The following NR6A1 variants were observed in gnomAD, a reference collection of about 807,000 sequenced individuals.
NR6A1 encodes nuclear receptor subfamily 6 group A member 1, also known as retinoic acid receptor-related testis-associated receptor.
A neutral mutation model predicts 59.1 loss-of-function variants in NR6A1; 7 were observed. The ratio of observed to expected loss-of-function variants is 0.12; its 90% CI spans 0.07 to 0.22. NR6A1 has a LOEUF of 0.22. Ranked by LOEUF, NR6A1 falls within the 10% of genes least tolerant of loss-of-function variation. The pLI is 1.00. For synonymous variants in NR6A1, 243 were observed against 236.1 expected (o/e 1.03, Z -0.27); for missense variants, 468 against 611.6 (o/e 0.77, Z 2.48).
chr9:124,727,874 G>A (rs1278299325), intron 2 of NR6A1, among the ~76,000 whole-genome samples: 3 of 151,726 alleles, frequency 2.0e-5, no homozygotes, highest in African/African-American at 4.8e-5. Flanking sequence ...TAGTAGAGAC[G>A]GGGTTTCACC....
At chr9:124,549,391 G>A (rs1588658006) in intron 3 of NR6A1, among the ~76,000 whole-genome samples, 1 of 152,144 alleles carries the variant, frequency 6.6e-6, no homozygotes, top group African/African-American at 2.4e-5. Context: ...GTGTCAGAGG[G>A]GCCTTGAAAA....
At chr9:124,674,920 A>G (rs1038059242) in intron 2 of NR6A1, among the ~76,000 whole-genome samples, 1 of 152,174 alleles carries the variant, frequency 6.6e-6, no homozygotes, top group Non-Finnish European at 1.5e-5. Flanking sequence ...GAGGAAAATG[A>G]TTTTTCTTGC....
chr9:124,581,519 G>A (rs1377385614), intron 2 of NR6A1, among the ~76,000 whole-genome samples: 1 of 152,118 alleles, frequency 6.6e-6, no homozygotes, highest in Non-Finnish European at 1.5e-5. Context: ...TTGAACCCAG[G>A]AGGGGGAGGT....
intron 2 of NR6A1, among the ~76,000 whole-genome samples, chr9:124,629,616 G>A (rs116374073): frequency 0.01 from 1,570 of 152,282 alleles, 25 homozygotes; most frequent in African/African-American, 0.036. Context: ...TTCCCAGAGC[G>A]TGCAAGGTCT....
chr9:124,758,762 A>G (rs1236753809), intron 1 of NR6A1, among the ~76,000 whole-genome samples: 4 of 152,200 alleles, frequency 2.6e-5, no homozygotes, highest in African/African-American at 4.8e-5. Context: ...AGTTTGGTAA[A>G]TGTAAATATT....
chr9:124,623,486 A>G (rs1588717031), intron 2 of NR6A1, among the ~76,000 whole-genome samples: 1 of 151,542 alleles, frequency 6.6e-6, no homozygotes, highest in Middle Eastern at 3.2e-3. Flanking sequence ...CAGATTCCCA[A>G]CTAGCTAGGA....
chr9:124,714,115 T>C (rs1356828474), intron 2 of NR6A1, among the ~76,000 whole-genome samples: 1 of 152,220 alleles, frequency 6.6e-6, no homozygotes, highest in Non-Finnish European at 1.5e-5. Flanking sequence ...TTAGGCACAT[T>C]ATGCTAAGGG....
At chr9:124,570,189 C>G (rs1834399802) in intron 2 of NR6A1, among the ~76,000 whole-genome samples, 1 of 152,208 alleles carries the variant, frequency 6.6e-6, no homozygotes, top group Non-Finnish European at 1.5e-5. Context: ...ATTCCCCTAG[C>G]TGCTCCTTTT....
intron 2 of NR6A1, chr9:124,599,591 C>A (rs1284060052): frequency 2.6e-6 from 3 of 1,155,350 alleles, no homozygotes; most frequent in African/African-American, 3.4e-5. Flanking sequence ...GAGGGCGCGG[C>A]GGCGGCGGCC....
At chr9:124,549,144 T>C (rs1463755481) in intron 3 of NR6A1, among the ~76,000 whole-genome samples, 1 of 152,196 alleles carries the variant, frequency 6.6e-6, no homozygotes, top group Non-Finnish European at 1.5e-5. Flanking sequence ...AGGAGGGTTA[T>C]CTGGTGGGGG....
intron 2 of NR6A1, among the ~76,000 whole-genome samples, chr9:124,641,025 G>C (rs2085692277): frequency 6.6e-6 from 1 of 151,944 alleles, no homozygotes; most frequent in Non-Finnish European, 1.5e-5. Flanking sequence ...CATTTACATG[G>C]GTCTTACCAC....
At chr9:124,563,824 G>A (rs764079354) in intron 2 of NR6A1, among the ~76,000 whole-genome samples, 7 of 152,182 alleles carry the variant, frequency 4.6e-5, no homozygotes, top group African/African-American at 9.7e-5. Context: ...GCAGCAAGCC[G>A]TAGCTCCCAG....
In NR6A1 at chr9:124,625,913, G is replaced by GT. The variant is rs532423204; in HGVS notation, c.143-71344dup. ...GACTTGAACTGGAACATTGGCTACC[G>GT]TAGGTGTCTGGCCTGCAGACCTTCA... On this transcript the variant is annotated intron_variant, in intron 2 of 9. Transcript: ENST00000487099. Among the ~76,000 whole-genome samples the GT allele has an allele frequency of 5.3e-3, 806 of 152,326 alleles. 3 individuals carry two copies. Among genetic ancestry groups the GT allele is most frequent in the Non-Finnish European group, 8.4e-3 (572 of 68,020 alleles).
intron 1 of NR6A1, among the ~76,000 whole-genome samples, chr9:124,754,560 G>A (rs1361006336): frequency 6.6e-6 from 1 of 152,126 alleles, no homozygotes; most frequent in African/African-American, 2.4e-5. Context: ...CAGGGCATGG[G>A]GGAGAAATGA....
At chr9:124,598,981 T>C (rs965835146) in intron 2 of NR6A1, 4 of 728,256 alleles carry the variant, frequency 5.5e-6, no homozygotes, top group Non-Finnish European at 1.0e-5. Context: ...GCTCCACCAT[T>C]GGCGTGTAGT....
At chr9:124,526,288 ATG>A (rs3050281) in intron 8 of NR6A1, among the ~76,000 whole-genome samples, 5,675 of 145,586 alleles carry the variant, frequency 0.039, 215 homozygotes, top group African/African-American at 0.097. Context: ...GTATGTGTGT[ATG>A]TGTGTGTGTG....
intron 2 of NR6A1, among the ~76,000 whole-genome samples, chr9:124,632,001 T>C (rs1836457953): frequency 6.6e-6 from 1 of 152,240 alleles, no homozygotes; most frequent in African/African-American, 2.4e-5. Flanking sequence ...CATGATCTTG[T>C]ATTTTTTTCT....
At chr9:124,624,697 T>C (rs189565410) in intron 2 of NR6A1, among the ~76,000 whole-genome samples, 3 of 152,314 alleles carry the variant, frequency 2.0e-5, no homozygotes, top group East Asian at 1.9e-4. Flanking sequence ...CTTTGAGATA[T>C]CAAATATTAT....
At chr9:124,537,910 C>A (rs953729061) in intron 6 of NR6A1, among the ~76,000 whole-genome samples, 182 bp downstream of exon 6, 1 of 152,096 alleles carries the variant, frequency 6.6e-6, no homozygotes, top group East Asian at 1.9e-4. Context: ...AGAAAGGATG[C>A]TTAAGGAAAA....
Sources: allele counts gnomAD v4.1 joint callset (sites outside exome capture counted in the v4.1 genomes callset), GRCh38; gene constraint gnomAD v4.1.1; transcripts MANE v1.5; gene names NCBI Gene and HGNC (gene_info 2026-07-23, HGNC 2026-07-21).